DOCK1: variants seen among roughly 807,000 people sequenced by gnomAD.
DOCK1 encodes dedicator of cytokinesis 1, also known as dedicator of cytokinesis protein 1.
A neutral mutation model predicts 262.7 loss-of-function variants in DOCK1; 138 were observed. That is an observed-to-expected ratio of 0.53 (90% confidence interval 0.46 to 0.61). DOCK1 has a LOEUF of 0.61. Ranked by LOEUF, DOCK1 falls within the 20% of genes least tolerant of loss-of-function variation. DOCK1 has a pLI of 0.00. For missense variants in DOCK1, 1,908 were observed against 2,370.7 expected, an observed-to-expected ratio of 0.80 and a Z score of 4.05; for synonymous variants, 866 against 867.4, an observed-to-expected ratio of 1.00 and a Z score of 0.03.
At chr10:126,948,512 C>G (rs960317776) in intron 1 of DOCK1, among the ~76,000 whole-genome samples, 2 of 151,710 alleles carry the variant, frequency 1.3e-5, no homozygotes, top group African/African-American at 2.4e-5. Context: ...ACTGTCCAGC[C>G]GGGCCTTTTG....
intron 51 of DOCK1, among the ~76,000 whole-genome samples, chr10:127,449,954 C>A (rs988522504): frequency 2.0e-5 from 3 of 152,146 alleles, no homozygotes; most frequent in Admixed American, 6.5e-5. Context: ...AGGTCATTTG[C>A]AGCGCTGTGT....
At chr10:126,992,735 CAG>C (rs756948258) in intron 6 of DOCK1, among the ~76,000 whole-genome samples, 2,900 of 112,426 alleles carry the variant, frequency 0.026, 39 homozygotes, top group Non-Finnish European at 0.042. Flanking sequence ...CCCCCCAACA[CAG>C]ACACACACAC....
At chr10:127,429,304 C>CT (rs1240664991) in intron 47 of DOCK1, among the ~76,000 whole-genome samples, 1 of 152,098 alleles carries the variant, frequency 6.6e-6, no homozygotes, top group Admixed American at 6.5e-5. Context: ...CTGCTCCATC[C>CT]TTTGACCGCA....
chr10:127,303,302 T>G (rs2061753746), intron 29 of DOCK1, among the ~76,000 whole-genome samples: 1 of 152,150 alleles, frequency 6.6e-6, no homozygotes. Flanking sequence ...GCCAATGACT[T>G]AGACAGCAAA....
At chr10:127,203,954 G>A (rs61874042) in intron 27 of DOCK1, among the ~76,000 whole-genome samples, 2,304 of 149,218 alleles carry the variant, frequency 0.015, 17 homozygotes, top group Non-Finnish European at 0.024. Context: ...TGTAAATGTT[G>A]CTTAATGTTT....
rs1004881231 is a variant in DOCK1 at position 126,921,695 on chromosome 10, C to G, written c.46+16132C>G. ...TGAGATGGAGTCTCGCTCTGTTCCC[C>G]AGGCTGGAGTGCAGTGGCGCGATCT... is the stretch of plus-strand genomic sequence containing the variant. On this transcript the variant is annotated intron_variant, in intron 1 of 51. Transcript: ENST00000623213. Among the ~76,000 whole-genome samples the G allele has an allele frequency of 2.6e-5, 4 of 152,202 alleles. No homozygotes were observed. In the East Asian group the frequency reaches 5.8e-4, roughly 22 times the overall value.
At chr10:127,214,356 T>G (rs1159649271) in intron 27 of DOCK1, among the ~76,000 whole-genome samples, 1 of 152,220 alleles carries the variant, frequency 6.6e-6, no homozygotes, top group Non-Finnish European at 1.5e-5. Flanking sequence ...CTTTTTAGTT[T>G]TACCACATAT....
intron 38 of DOCK1, among the ~76,000 whole-genome samples, chr10:127,396,507 C>T (rs187091505): frequency 6.6e-6 from 1 of 152,154 alleles, no homozygotes; most frequent in African/African-American, 2.4e-5. Context: ...TTCTACAACA[C>T]TCCGTAAAGG....
At chr10:127,160,516 C>G (rs941807496) in intron 27 of DOCK1, among the ~76,000 whole-genome samples, 1 of 152,192 alleles carries the variant, frequency 6.6e-6, no homozygotes, top group African/African-American at 2.4e-5. Flanking sequence ...TGATTTGCTG[C>G]TCTTTTAAAT....
chr10:126,964,481 C>T (rs1176850744), intron 1 of DOCK1, among the ~76,000 whole-genome samples: 2 of 152,222 alleles, frequency 1.3e-5, no homozygotes, highest in African/African-American at 4.8e-5. Flanking sequence ...TGGCATTGGG[C>T]CGTGTGAGGA....
chr10:126,982,077 G>T, intron 4 of DOCK1, 104 bp downstream of exon 4: 1 of 1,229,038 alleles, frequency 8.1e-7, no homozygotes, highest in Non-Finnish European at 1.2e-6. Context: ...GACAATGGGT[G>T]TGATTGACTC....
chr10:127,030,435 C>T (rs61873973), intron 16 of DOCK1, among the ~76,000 whole-genome samples: 6,943 of 152,284 alleles, frequency 0.046, 213 homozygotes, highest in Non-Finnish European at 0.068. Flanking sequence ...CACTGGTCCT[C>T]GTGAGGGCCT....
At position 127,218,059 on chromosome 10, in the gene DOCK1, T is replaced by C. The variant is rs1441271943; in HGVS notation, c.2848-29949T>C. Among the ~76,000 whole-genome samples, 4 of 152,194 alleles carry C rather than the reference T, an allele frequency of 2.6e-5. No individual in the cohort carries two copies. The East Asian group carries it at 7.7e-4, about 29-fold the overall frequency. ...CCATTCTATTCTGCTGTTCTAAATA[T>C]CTGATAAAATAAAAGTTGAAATTTT... On this transcript the variant is annotated intron_variant, in intron 27 of 51. Transcript: ENST00000623213.
Position 126,951,636 on chromosome 10 carries a change from ATTG to A in DOCK1, c.47-19060_47-19058del, listed in dbSNP as rs1390692372. ...TGGTGGTGGTATTGTTGGTGGTAGTATTGTTGTTTGTAGTATTGGTGACAATGG... is the reference window on the plus strand; with the variant it reads ...TGGTGGTGGTATTGTTGGTGGTAGTATTGTTTGTAGTATTGGTGACAATGG... On this transcript the variant is annotated intron_variant, in intron 1 of 51. Coordinates refer to ENST00000623213, the MANE Select transcript of DOCK1 (RefSeq NM_001290223.2). 5.9e-5 allele frequency among the ~76,000 whole-genome samples: 9 copies of A among 151,662 alleles called. 1 individual carries two copies. The South Asian group carries it at 1.3e-3, about 21-fold the overall frequency.
In DOCK1 at chr10:127,109,781, T is replaced by G. The variant is rs530130391; in HGVS notation, c.2517-467T>G. 3.9e-5 allele frequency among the ~76,000 whole-genome samples: 6 copies of G among 152,342 alleles called. No individual in the cohort carries two copies. The South Asian group carries it at 1.2e-3, about 32-fold the overall frequency. Reference sequence around the variant, plus strand: ...ATTCATTAACTGATGGACTTCGTGTTTTTTTTACTTTTTCAGTATAATGAA... The same window carrying G: ...ATTCATTAACTGATGGACTTCGTGTGTTTTTTACTTTTTCAGTATAATGAA... On this transcript the variant is annotated intron_variant, in intron 24 of 51. Coordinates refer to ENST00000623213, the MANE Select transcript of DOCK1 (RefSeq NM_001290223.2).
chr10:127,280,066 G>A (rs1382509181), intron 29 of DOCK1, among the ~76,000 whole-genome samples: 5 of 118,672 alleles, frequency 4.2e-5, no homozygotes, highest in Admixed American at 1.0e-4. Context: ...ACGGAGTCTC[G>A]CTCTGTCGCC....
intron 27 of DOCK1, among the ~76,000 whole-genome samples, chr10:127,157,741 A>G (rs1344911437): frequency 1.3e-5 from 2 of 152,132 alleles, no homozygotes; most frequent in Non-Finnish European, 2.9e-5. Context: ...TGTGAGAATT[A>G]TTTTTAGGAC....
Position 127,281,175 on chromosome 10 carries a change from T to A in DOCK1, c.3044+23746T>A, listed in dbSNP as rs144705554. Among the ~76,000 whole-genome samples, 831 of 152,312 alleles carry A rather than the reference T, an allele frequency of 5.5e-3. 29 individuals are homozygous for A. The highest frequency in any genetic ancestry group is 0.05 in the Admixed American group (759 of 15,296). ...TTTATTTTTAAATTGAAAAGTGGAT[T>A]TGTTTAACATCCTCCAAGAAGCAAA... On this transcript the variant is annotated intron_variant, in intron 29 of 51. Transcript: ENST00000623213.
At chr10:127,044,619 C>T (rs886125429) in intron 21 of DOCK1, among the ~76,000 whole-genome samples, 3 of 152,098 alleles carry the variant, frequency 2.0e-5, no homozygotes, top group Admixed American at 6.5e-5. Flanking sequence ...CACGTGTGCT[C>T]ATTTTCAAAA....
Sources: allele counts gnomAD v4.1 joint callset (sites outside exome capture counted in the v4.1 genomes callset), GRCh38; gene constraint gnomAD v4.1.1; transcripts MANE v1.5; gene names NCBI Gene and HGNC (gene_info 2026-07-23, HGNC 2026-07-21).